The following SND1 variants were observed in gnomAD, a reference collection of about 807,000 sequenced individuals.
SND1 encodes staphylococcal nuclease domain-containing protein 1.
SND1 carries 38 observed loss-of-function variants against 121.7 expected under a neutral mutation model. The ratio of observed to expected loss-of-function variants is 0.31; its 90% CI spans 0.24 to 0.41. SND1 has a LOEUF of 0.41. Ranked by LOEUF, SND1 falls within the 10% of genes least tolerant of loss-of-function variation. SND1 has a pLI of 1.00. For missense variants in SND1, 868 were observed against 1,184.6 expected (o/e 0.73, Z 3.92); for synonymous variants, 401 against 447.4 (o/e 0.90, Z 1.31).
At position 127,702,484 on chromosome 7, in the gene SND1, C is replaced by T; in HGVS notation, c.639C>T (p.Leu213=). Residue 213 remains leucine (L), a synonymous_variant, in exon 6 of 24, where the codon CTC becomes CTT. Transcript: ENST00000354725. ...GCAGTGTGGTCAGGGCCCTGCTCCT[C>T]CCAGATTACTACCTGGTTACAGTCA... The part of the protein sequence containing the change: ...RDGSVVRALL[L]PDYYLVTVML... The T allele has an allele frequency of 6.2e-7, 1 of 1,614,112 alleles. No individual in the cohort carries two copies. Among genetic ancestry groups the T allele is most frequent in the Non-Finnish European group, 8.5e-7 (1 of 1,179,988 alleles).
intron 13 of SND1, among the ~76,000 whole-genome samples, chr7:127,897,819 G>A (rs572819006): frequency 2.6e-4 from 39 of 152,226 alleles, no homozygotes; most frequent in African/African-American, 9.4e-4. Context: ...CCTATTAAAA[G>A]TGGTACTTAA....
intron 16 of SND1, among the ~76,000 whole-genome samples, chr7:128,010,887 C>T (rs1479993979): frequency 1.3e-5 from 2 of 152,222 alleles, no homozygotes; most frequent in Non-Finnish European, 2.9e-5. Context: ...GCCGCCAACA[C>T]TGCACAGCTC....
intron 15 of SND1, among the ~76,000 whole-genome samples, chr7:127,937,844 A>C (rs1162969286): frequency 2.0e-5 from 3 of 152,226 alleles, no homozygotes; most frequent in Non-Finnish European, 4.4e-5. Context: ...ACTAAATTAC[A>C]CAATTAAAGC....
intron 11 of SND1, among the ~76,000 whole-genome samples, chr7:127,835,731 T>A (rs1798855807): frequency 6.6e-6 from 1 of 152,144 alleles, no homozygotes; most frequent in Non-Finnish European, 1.5e-5. Flanking sequence ...GAATCGAGAT[T>A]TAATGAAACT....
intron 10 of SND1, among the ~76,000 whole-genome samples, chr7:127,781,271 C>T (rs1453874545): frequency 6.6e-6 from 1 of 152,164 alleles, no homozygotes; most frequent in African/African-American, 2.4e-5. Flanking sequence ...CCAATTAGTT[C>T]ACCATAGAAG....
intron 14 of SND1, among the ~76,000 whole-genome samples, chr7:127,911,293 C>T (rs1403215536): frequency 6.6e-6 from 1 of 152,200 alleles, no homozygotes; most frequent in African/African-American, 2.4e-5. Context: ...TGGCAGCCAC[C>T]TCGTAAGTTT....
intron 10 of SND1, among the ~76,000 whole-genome samples, chr7:127,800,325 A>G (rs975963303): frequency 3.3e-5 from 5 of 152,240 alleles, no homozygotes; most frequent in African/African-American, 9.6e-5. Flanking sequence ...CCACTTGGGC[A>G]CATTAATTCA....
intron 10 of SND1, among the ~76,000 whole-genome samples, chr7:127,749,776 A>G (rs1797052301): frequency 6.6e-6 from 1 of 152,232 alleles, no homozygotes; most frequent in African/African-American, 2.4e-5. Context: ...TCAAACATGT[A>G]GAGTGGTAGG....
intron 16 of SND1, among the ~76,000 whole-genome samples, chr7:128,062,309 G>C (rs1401671735): frequency 6.6e-6 from 1 of 152,222 alleles, no homozygotes; most frequent in Non-Finnish European, 1.5e-5. Context: ...TTTAAGGACA[G>C]GTAGGAGTGA....
intron 10 of SND1, among the ~76,000 whole-genome samples, chr7:127,777,209 G>A (rs1246208316): frequency 2.6e-5 from 4 of 152,166 alleles, no homozygotes; most frequent in South Asian, 2.1e-4. Flanking sequence ...CTACCTCCCC[G>A]TAACAAGTGG....
intron 1 of SND1, among the ~76,000 whole-genome samples, chr7:127,678,062 C>T (rs1313561133): frequency 6.6e-6 from 1 of 152,130 alleles, no homozygotes; most frequent in African/African-American, 2.4e-5. Flanking sequence ...GTTCTACTGG[C>T]ACATATAAAC....
chr7:127,740,089 A>G (rs748306789), intron 10 of SND1, among the ~76,000 whole-genome samples: 8 of 152,160 alleles, frequency 5.3e-5, no homozygotes, highest in Non-Finnish European at 1.2e-4. Context: ...CCATGATTAA[A>G]TTCTCGCTGC....
At chr7:127,742,872 G>T (rs1210699072) in intron 10 of SND1, among the ~76,000 whole-genome samples, 1 of 152,034 alleles carries the variant, frequency 6.6e-6, no homozygotes, top group Non-Finnish European at 1.5e-5. Flanking sequence ...CAAGTGGTGT[G>T]GGCATTCAAA....
chr7:127,845,490 C>T (rs1799041544), intron 12 of SND1, among the ~76,000 whole-genome samples: 1 of 152,190 alleles, frequency 6.6e-6, no homozygotes, highest in Admixed American at 6.5e-5. Flanking sequence ...AGGTTCTTGA[C>T]AAATCAAGTA....
In SND1 at chr7:128,092,221, G is replaced by A. The variant is rs1793794175; in HGVS notation, c.*163G>A. On this transcript the variant is annotated 3_prime_UTR_variant, in exon 24 of 24. Coordinates refer to ENST00000354725, the MANE Select transcript of SND1 (RefSeq NM_014390.4). The surrounding 1 kb of genome is among the most constrained non-coding windows in gnomAD (Gnocchi z 4.9). ...TGGGGTGGCATCGGGGCTGCGGGGT[G>A]GGGACCCCAAGGCTTTCTGGGGCAG... 1 of 720,466 alleles carries A rather than the reference G, an allele frequency of 1.4e-6. No homozygotes were observed. The highest frequency in any genetic ancestry group is 2.3e-6 in the Non-Finnish European group (1 of 436,574). The allele number at this position is 720,466 out of a possible 1,614,324, so 44.6% of individuals were successfully genotyped here.
intron 10 of SND1, among the ~76,000 whole-genome samples, chr7:127,745,573 G>A (rs1386153156): frequency 6.6e-6 from 1 of 152,074 alleles, no homozygotes; most frequent in Non-Finnish European, 1.5e-5. Context: ...GCCTACCATA[G>A]CATGCCATCA....
chr7:127,903,206 G>A (rs909878668), intron 13 of SND1, among the ~76,000 whole-genome samples: 2 of 151,712 alleles, frequency 1.3e-5, no homozygotes, highest in African/African-American at 4.8e-5. Flanking sequence ...TTTATTTTTT[G>A]TAGGGACAGG....
At chr7:127,684,975 T>G (rs1020332706) in intron 1 of SND1, among the ~76,000 whole-genome samples, 1 of 152,134 alleles carries the variant, frequency 6.6e-6, no homozygotes, top group Non-Finnish European at 1.5e-5. Context: ...AAAAAGTTAG[T>G]ATGGATAAAT....
chr7:127,708,883 A>G (rs1587611386), intron 9 of SND1, among the ~76,000 whole-genome samples: 2 of 152,232 alleles, frequency 1.3e-5, no homozygotes, highest in African/African-American at 4.8e-5. Flanking sequence ...CTCCCTGTCA[A>G]CTAACCATGA....
Sources: allele counts gnomAD v4.1 joint callset (sites outside exome capture counted in the v4.1 genomes callset), GRCh38; gene constraint gnomAD v4.1.1; non-coding constraint Gnocchi (gnomAD v3.1); transcripts MANE v1.5; gene names NCBI Gene and HGNC (gene_info 2026-07-23, HGNC 2026-07-21).